ROR2: variants seen among roughly 807,000 people sequenced by gnomAD.
The protein encoded by ROR2 is ROR family WNT receptor 2.
In ROR2, 33 loss-of-function variants were observed where a neutral mutation model predicts 74.9. The ratio of observed to expected loss-of-function variants is 0.44; its 90% CI spans 0.33 to 0.59. The LOEUF is 0.59. Among genes scored for constraint, ROR2 ranks in the 20% least tolerant of loss-of-function variants. The pLI, the probability that ROR2 is intolerant of heterozygous loss-of-function variation, is 0.02. For missense variants in ROR2, 1,216 were observed against 1,313.8 expected, an observed-to-expected ratio of 0.93 and a Z score of 1.15; for synonymous variants, 586 against 558.7, an observed-to-expected ratio of 1.05 and a Z score of -0.69.
At chr9:91,863,923 A>G (rs982458427) in intron 1 of ROR2, among the ~76,000 whole-genome samples, 1 of 152,224 alleles carries the variant, frequency 6.6e-6, no homozygotes, top group Non-Finnish European at 1.5e-5. Flanking sequence ...CAAAGTGTAA[A>G]TATAAAAATG....
At chr9:91,764,031 G>A (rs1000929336) in intron 2 of ROR2, among the ~76,000 whole-genome samples, 6 of 152,102 alleles carry the variant, frequency 3.9e-5, no homozygotes, top group Admixed American at 2.0e-4. Context: ...TTTTTAATAT[G>A]TTTATCTACT....
rs112216159 is a variant in ROR2, at chr9:91,922,564, C to T, written c.97+27303G>A. On this transcript the variant is annotated intron_variant, in intron 1 of 8. Coordinates refer to ENST00000375708, the MANE Select transcript of ROR2 (RefSeq NM_004560.4). ...TACCACCCAGGTTCAAGCGATTCTC[C>T]GGCCTCAGCCTCCGAAGTAGCTGGG... is the stretch of plus-strand genomic sequence containing the variant. Among the ~76,000 whole-genome samples the T allele has an allele frequency of 2.9e-3, 438 of 152,168 alleles. 1 individual carries two copies. Among genetic ancestry groups the T allele is most frequent in the African/African-American group, 0.01 (418 of 41,520 alleles).
chr9:91,861,090 T>C (rs925008137), intron 1 of ROR2, among the ~76,000 whole-genome samples: 2 of 152,088 alleles, frequency 1.3e-5, no homozygotes, highest in African/African-American at 2.4e-5. Flanking sequence ...ACTACGAACA[T>C]TGTTGAAAGA....
intron 1 of ROR2, among the ~76,000 whole-genome samples, chr9:91,866,999 C>A (rs917814897): frequency 2.6e-5 from 4 of 152,178 alleles, no homozygotes; most frequent in African/African-American, 9.7e-5. Flanking sequence ...TTACTCTGAT[C>A]AAAATATCTT....
At position 91,755,855 on chromosome 9, in the gene ROR2, C is replaced by T. The variant is rs1246276624; in HGVS notation, c.494+216G>A. Reference sequence around the variant, plus strand: ...GTCACAATCACAGAAAGAAATTAACCATTTTTGTTTTTCTGACTTTTTTTC... The same window carrying T: ...GTCACAATCACAGAAAGAAATTAACTATTTTTGTTTTTCTGACTTTTTTTC... On this transcript the variant is annotated intron_variant, in intron 4 of 8. Transcript: ENST00000375708. 9.7e-6 allele frequency: 6 copies of T among 618,938 alleles called. No individual in the cohort carries two copies. In the East Asian group the frequency reaches 1.4e-4, roughly 14 times the overall value. 38.3% of individuals were successfully genotyped at this position (618,938 alleles called of 1,614,324 possible).
intron 1 of ROR2, among the ~76,000 whole-genome samples, chr9:91,862,708 C>T (rs1005303126): frequency 6.6e-6 from 1 of 152,122 alleles, no homozygotes; most frequent in African/African-American, 2.4e-5. Context: ...GCTTGCTCAC[C>T]CTCCACCATG....
chr9:91,805,222 C>T (rs1325232081), intron 1 of ROR2, among the ~76,000 whole-genome samples: 4 of 152,322 alleles, frequency 2.6e-5, no homozygotes, highest in South Asian at 2.1e-4. Context: ...CACCTTTGCT[C>T]GGCCTGGGAC....
intron 1 of ROR2, among the ~76,000 whole-genome samples, chr9:91,933,000 T>C (rs1831589617): frequency 1.3e-5 from 2 of 152,130 alleles, no homozygotes; most frequent in South Asian, 4.1e-4. Flanking sequence ...GTAGACAGTA[T>C]CAAAAGTTTA....
intron 1 of ROR2, among the ~76,000 whole-genome samples, chr9:91,858,406 C>A (rs961819865): frequency 6.6e-6 from 1 of 152,136 alleles, no homozygotes; most frequent in Admixed American, 6.5e-5. Flanking sequence ...CATACATTCA[C>A]ACAGGCACAC....
At chr9:91,855,077 A>G (rs1829236689) in intron 1 of ROR2, among the ~76,000 whole-genome samples, 1 of 152,220 alleles carries the variant, frequency 6.6e-6, no homozygotes, top group African/African-American at 2.4e-5. Flanking sequence ...TCGTGAACAT[A>G]AAATTTAACT....
chr9:91,932,012 G>T (rs1831562908), intron 1 of ROR2, among the ~76,000 whole-genome samples: 1 of 152,118 alleles, frequency 6.6e-6, no homozygotes, highest in South Asian at 2.1e-4. Context: ...GATAAAAACT[G>T]AATTTTCCAG....
At chr9:91,848,871 G>A (rs1444038823) in intron 1 of ROR2, among the ~76,000 whole-genome samples, 5 of 152,022 alleles carry the variant, frequency 3.3e-5, no homozygotes, top group African/African-American at 9.7e-5. Context: ...TATTATCCAG[G>A]TAGCATACAA....
At position 91,950,081 on chromosome 9, in the gene ROR2, G is replaced by C; in HGVS notation, c.-118C>G. The C allele has an allele frequency of 2.1e-6, 1 of 482,472 alleles. No individual in the cohort carries two copies. The highest frequency in any genetic ancestry group is 3.5e-6 in the Non-Finnish European group (1 of 286,368). The allele number at this position is 482,472 out of a possible 1,614,324, so 29.9% of individuals were successfully genotyped here. ...TCCTTCTCCCTGGCGCTTCGCAAAC[G>C]GGTCCACTTCGAGGACCTCGTCGTC... is the stretch of plus-strand genomic sequence containing the variant. On this transcript the variant is annotated 5_prime_UTR_variant, in exon 1 of 9. Coordinates refer to ENST00000375708, the MANE Select transcript of ROR2 (RefSeq NM_004560.4).
At chr9:91,731,776 G>A (rs1353835480) in intron 6 of ROR2, among the ~76,000 whole-genome samples, 3 of 152,162 alleles carry the variant, frequency 2.0e-5, no homozygotes, top group Admixed American at 1.3e-4. Context: ...TTAGCCAGAT[G>A]TGGTAACGCA....
intron 1 of ROR2, among the ~76,000 whole-genome samples, chr9:91,942,447 T>C (rs903513318): frequency 2.0e-5 from 3 of 152,186 alleles, no homozygotes; most frequent in African/African-American, 7.2e-5. Context: ...TTAATGAGTT[T>C]AGCACTCATT....
intron 1 of ROR2, among the ~76,000 whole-genome samples, chr9:91,832,171 G>A (rs533677186): frequency 6.6e-6 from 1 of 152,244 alleles, no homozygotes; most frequent in Non-Finnish European, 1.5e-5. Flanking sequence ...CATGTTCACT[G>A]CCATTCCAGG....
At chr9:91,853,507 CT>C (rs1018114888) in intron 1 of ROR2, among the ~76,000 whole-genome samples, 7 of 152,010 alleles carry the variant, frequency 4.6e-5, no homozygotes, top group Non-Finnish European at 7.4e-5. Flanking sequence ...GCTGTCCAGC[CT>C]CCAGCCCTCC....
chr9:91,809,908 G>C (rs1048558373), intron 1 of ROR2, among the ~76,000 whole-genome samples: 1 of 152,254 alleles, frequency 6.6e-6, no homozygotes, highest in Admixed American at 6.5e-5. Context: ...CAGTGTCCAA[G>C]GGCAGCTGGA....
chr9:91,762,286 G>A (rs1468329886), intron 2 of ROR2, among the ~76,000 whole-genome samples: 1 of 152,156 alleles, frequency 6.6e-6, no homozygotes, highest in Admixed American at 6.5e-5. Flanking sequence ...AATCCCATTT[G>A]CAAGTTTTTA....
Sources: allele counts gnomAD v4.1 joint callset (sites outside exome capture counted in the v4.1 genomes callset), GRCh38; gene constraint gnomAD v4.1.1; transcripts MANE v1.5; gene names NCBI Gene and HGNC (gene_info 2026-07-23, HGNC 2026-07-21).